Variants in WWC1 observed in about 807,000 individuals in gnomAD.
WWC1 encodes the protein WW and C2 domain containing 1.
WWC1 carries 55 observed loss-of-function variants against 138.4 expected under a neutral mutation model. That is an observed-to-expected ratio of 0.40 (90% CI 0.32 to 0.50). WWC1 has a LOEUF of 0.50. WWC1 is among the 20% of genes least tolerant of loss of function. The probability of loss-of-function intolerance (pLI) is 0.72; values close to 1 mark genes in which losing one functional copy is unlikely to be tolerated. For missense variants in WWC1, 1,226 were observed against 1,420.4 expected (o/e 0.86, Z 2.20); for synonymous variants, 524 against 564.9 (o/e 0.93, Z 1.03).
chr5:168,334,927 G>A (rs1773335879), intron 1 of WWC1, among the ~76,000 whole-genome samples: 1 of 152,230 alleles, frequency 6.6e-6, no homozygotes, highest in African/African-American at 2.4e-5. Flanking sequence ...CGGAGAGGGT[G>A]GGAATGTAAA....
intron 5 of WWC1, among the ~76,000 whole-genome samples, chr5:168,405,337 G>T (rs1374010058): frequency 6.6e-6 from 1 of 152,142 alleles, no homozygotes; most frequent in Non-Finnish European, 1.5e-5. Flanking sequence ...CAGGGTGGGG[G>T]TACCACCAGC....
At chr5:168,390,171 A>G (rs868798100) in intron 3 of WWC1, among the ~76,000 whole-genome samples, 2 of 152,184 alleles carry the variant, frequency 1.3e-5, no homozygotes, top group Non-Finnish European at 2.9e-5. Flanking sequence ...CAATCTAATC[A>G]TAGTATCATC....
In WWC1 at chr5:168,423,608, T is replaced by G. The variant is rs1179391923; in HGVS notation, c.1350T>G (p.Val450=). Residue 450 remains valine (V), a synonymous_variant, in exon 11 of 23, where the codon GTT becomes GTG. Transcript: ENST00000265293. ...TCACGTCCAGCCGGGGCTCCCTGGTTGCATCCAGCCTGGACTCCTCCACTT... is the reference window on the plus strand; with the variant it reads ...TCACGTCCAGCCGGGGCTCCCTGGTGGCATCCAGCCTGGACTCCTCCACTT... ...GSLTSSRGSL[V]ASSLDSSTSA... is the part of the protein sequence containing the mutation. 2 of 1,614,086 alleles carry G rather than the reference T, an allele frequency of 1.2e-6. No individual in the cohort carries two copies. Among genetic ancestry groups the G allele is most frequent in the Non-Finnish European group, 8.5e-7 (1 of 1,180,014 alleles).
chr5:168,364,591 C>G (rs769786381), intron 1 of WWC1, among the ~76,000 whole-genome samples: 1 of 152,186 alleles, frequency 6.6e-6, no homozygotes, highest in Non-Finnish European at 1.5e-5. Context: ...TCTGAGCCCT[C>G]GTAGTGCCTA....
At chr5:168,378,877 T>C (rs1419783446) in intron 2 of WWC1, among the ~76,000 whole-genome samples, 1 of 152,232 alleles carries the variant, frequency 6.6e-6, no homozygotes, top group African/African-American at 2.4e-5. Context: ...CTTTTGTTGT[T>C]GCTAAGGCCC....
chr5:168,432,942 C>T (rs1411019985), intron 15 of WWC1, among the ~76,000 whole-genome samples: 1 of 152,262 alleles, frequency 6.6e-6, no homozygotes, highest in Non-Finnish European at 1.5e-5. Context: ...CTGTAAATCA[C>T]AGACCTTTGC....
chr5:168,414,622 C>T, intron 9 of WWC1, 32 bp downstream of exon 9: 1 of 1,526,662 alleles, frequency 6.6e-7, no homozygotes, highest in Non-Finnish European at 8.8e-7. Context: ...GTGTAGGACC[C>T]TTCTCTCACT....
At chr5:168,327,144 A>G (rs1772633549) in intron 1 of WWC1, among the ~76,000 whole-genome samples, 3 of 152,290 alleles carry the variant, frequency 2.0e-5, no homozygotes, top group East Asian at 3.9e-4. Context: ...GGCTTTCCAG[A>G]GCAAATTACT....
chr5:168,309,338 C>T lies in WWC1; in HGVS notation c.119+17067C>T, dbSNP rs577774374. Reference sequence around the variant, plus strand: ...CAAACAACAAATCGAAAATTGAATCCAGTCCTGGTCTCAAACAACTTTGCC... The same window carrying T: ...CAAACAACAAATCGAAAATTGAATCTAGTCCTGGTCTCAAACAACTTTGCC... On this transcript the variant is annotated intron_variant, in intron 1 of 22. Transcript: ENST00000265293. Among the ~76,000 whole-genome samples, 8 of 146,574 alleles carry T rather than the reference C, an allele frequency of 5.5e-5. No individual in the cohort carries two copies. The East Asian group carries it at 1.5e-3, about 28-fold the overall frequency.
At chr5:168,385,858 G>T (rs1478294336) in intron 3 of WWC1, among the ~76,000 whole-genome samples, 1 of 152,070 alleles carries the variant, frequency 6.6e-6, no homozygotes, top group East Asian at 1.9e-4. Flanking sequence ...TATATTTACC[G>T]CAATTTCAAA....
intron 18 of WWC1, among the ~76,000 whole-genome samples, chr5:168,454,451 G>A (rs1183806729): frequency 6.6e-6 from 1 of 152,142 alleles, no homozygotes; most frequent in Non-Finnish European, 1.5e-5. Context: ...CTCTAAAATG[G>A]GCACAATAAT....
chr5:168,467,268 A>AACAC (rs1185997372), intron 21 of WWC1, among the ~76,000 whole-genome samples: 12 of 152,178 alleles, frequency 7.9e-5, no homozygotes, highest in Non-Finnish European at 1.3e-4. Context: ...AAAACAAACA[A>AACAC]ACAAAAAAAA....
At chr5:168,301,328 C>A (rs1474852831) in intron 1 of WWC1, among the ~76,000 whole-genome samples, 3 of 152,154 alleles carry the variant, frequency 2.0e-5, no homozygotes, top group Admixed American at 2.0e-4. Flanking sequence ...TCAAGTCTGG[C>A]TTTGTCACTT....
At position 168,399,527 on chromosome 5, in the gene WWC1, G is replaced by A. The variant is rs780262543; in HGVS notation, c.550G>A (p.Glu184Lys). Reference protein sequence around the residue: ...LKREMVHLQHELQFKERGFQT... With the variant: ...LKREMVHLQHKLQFKERGFQT... Reference sequence around the variant, plus strand: ...GAGAGAGATGGTTCACCTCCAGCACGAGCTGCAGTTCAAAGAGCGTGGCTT... The same window carrying A: ...GAGAGAGATGGTTCACCTCCAGCACAAGCTGCAGTTCAAAGAGCGTGGCTT... Residue 184 changes from glutamate (E) to lysine (K), a missense_variant, in exon 5 of 23, where the codon GAG becomes AAG. By Grantham distance (56) the Glu-to-Lys change is moderately conservative. Coordinates refer to ENST00000265293, the MANE Select transcript of WWC1 (RefSeq NM_015238.3). 1.4e-5 allele frequency: 22 copies of A among 1,614,122 alleles called. No individual in the cohort carries two copies. The highest frequency in any genetic ancestry group is 2.2e-5 in the East Asian group (1 of 44,868).
Position 168,403,006 on chromosome 5 carries a change from TTTTCTTTCTTTCTTTCTTTCTTTC to T in WWC1, c.591-3140_591-3117del, listed in dbSNP as rs72242963. On this transcript the variant is annotated intron_variant, in intron 5 of 22. Transcript: ENST00000265293. ...AGCAGCCAAAAGCTCTGTTGTTTCT[TTTTCTTTCTTTCTTTCTTTCTTTC>T]TTTCTTTCTTTCTTTCTTTCTTTCT... 2.4e-3 allele frequency among the ~76,000 whole-genome samples: 256 copies of T among 105,678 alleles called. 1 individual carries two copies. The highest frequency in any genetic ancestry group is 4.9e-3 in the Middle Eastern group (1 of 204). The allele number at this position is 105,678 out of a possible 152,430, so 69.3% of individuals were successfully genotyped here.
At chr5:168,466,415 C>G (rs1425719358) in intron 21 of WWC1, among the ~76,000 whole-genome samples, 2 of 152,232 alleles carry the variant, frequency 1.3e-5, no homozygotes, top group African/African-American at 2.4e-5. Flanking sequence ...TGCTAGTTCT[C>G]TGTGCACACA....
At chr5:168,314,567 CA>C (rs902250745) in intron 1 of WWC1, among the ~76,000 whole-genome samples, 1 of 150,680 alleles carries the variant, frequency 6.6e-6, no homozygotes, top group Non-Finnish European at 1.5e-5. Flanking sequence ...AACTCCATCT[CA>C]AAAAAAGAAA....
At chr5:168,419,735 C>T (rs970720546) in intron 9 of WWC1, among the ~76,000 whole-genome samples, 6 of 152,272 alleles carry the variant, frequency 3.9e-5, no homozygotes, top group Middle Eastern at 6.8e-3. Context: ...CAGGCTTGCT[C>T]GATAGGGCCC....
At chr5:168,403,111 T>G (rs115912526) in intron 5 of WWC1, among the ~76,000 whole-genome samples, 3,952 of 150,310 alleles carry the variant, frequency 0.026, 166 homozygotes, top group African/African-American at 0.09. Context: ...TTTCTTTCTT[T>G]TCTTTCGACA....
Sources: gnomAD v4.1 joint callset for allele counts (sites outside exome capture counted in the v4.1 genomes callset) on GRCh38, gnomAD v4.1.1 for gene constraint, MANE v1.5 for transcripts, NCBI Gene and HGNC (gene_info 2026-07-23, HGNC 2026-07-21) for gene names.